WDR49: variants seen among roughly 807,000 people sequenced by gnomAD.
The protein encoded by WDR49 is cilia- and flagella-associated protein 337.
Under a neutral mutation model 119.5 loss-of-function variants are expected in WDR49, and 107 were observed. The observed-to-expected ratio is 0.90, with a 90% CI of 0.77 to 1.05. The LOEUF is 1.05. Among genes scored for constraint, WDR49 ranks in the 50% least tolerant of loss-of-function variants. WDR49 has a pLI of 0.00. For synonymous variants in WDR49, 425 were observed against 418.8 expected, an observed-to-expected ratio of 1.01 and a Z score of -0.18; for missense variants, 1,240 against 1,220.5, an observed-to-expected ratio of 1.02 and a Z score of -0.24.
chr3:167,615,159 T>G (rs1038718410), intron 5 of WDR49, among the ~76,000 whole-genome samples: 1 of 152,180 alleles, frequency 6.6e-6, no homozygotes, highest in African/African-American at 2.4e-5. Context: ...ATGACTGAAG[T>G]ATATTCACCT....
chr3:167,581,133 T>C (rs1714508447), intron 7 of WDR49, among the ~76,000 whole-genome samples: 1 of 152,174 alleles, frequency 6.6e-6, no homozygotes, highest in Admixed American at 6.6e-5. Context: ...AAGTTTATGA[T>C]TTTATATTAA....
At chr3:167,535,040 C>T (rs1021480198) in intron 11 of WDR49, among the ~76,000 whole-genome samples, 1 of 152,126 alleles carries the variant, frequency 6.6e-6, no homozygotes, top group African/African-American at 2.4e-5. Context: ...TAAATGCTTG[C>T]ACAGATAATC....
chr3:167,588,184 A>G (rs1364503227), intron 7 of WDR49, among the ~76,000 whole-genome samples: 1 of 152,150 alleles, frequency 6.6e-6, no homozygotes, highest in African/African-American at 2.4e-5. Context: ...GCTCCCACAA[A>G]TAAGTGAGAA....
intron 10 of WDR49, among the ~76,000 whole-genome samples, chr3:167,540,099 C>G (rs1711694446): frequency 6.6e-6 from 1 of 152,186 alleles, no homozygotes; most frequent in Non-Finnish European, 1.5e-5. Flanking sequence ...CAGGACATTA[C>G]AGCAACTCAT....
intron 7 of WDR49, among the ~76,000 whole-genome samples, chr3:167,601,759 A>T (rs918962512): frequency 3.3e-5 from 5 of 152,176 alleles, no homozygotes; most frequent in African/African-American, 1.2e-4. Context: ...CAAAGCAATA[A>T]TATTTAATTG....
chr3:167,598,363 G>A lies in WDR49; in HGVS notation c.1275+3764C>T, dbSNP rs138587111. On this transcript the variant is annotated intron_variant, in intron 7 of 18. Transcript: ENST00000682715. ...GAGAAGGACATAAGATTTGGGAGGG[G>A]CCAGGGTGTAATGACATGATCTGGC... Among the ~76,000 whole-genome samples, 455 of 152,180 alleles carry A rather than the reference G, an allele frequency of 3.0e-3. 2 individuals carry two copies. Among genetic ancestry groups the A allele is most frequent in the African/African-American group, 0.01 (435 of 41,530 alleles).
chr3:167,554,573 G>T, intron 10 of WDR49, 77 bp downstream of exon 10: 1 of 893,640 alleles, frequency 1.1e-6, no homozygotes, highest in Non-Finnish European at 1.6e-6. Flanking sequence ...AAGTTTTAAT[G>T]ACACAGAGTC....
chr3:167,619,945 T>C (rs1716787700), intron 5 of WDR49, among the ~76,000 whole-genome samples: 1 of 151,734 alleles, frequency 6.6e-6, no homozygotes, highest in Middle Eastern at 3.2e-3. Flanking sequence ...GTACTCTAGA[T>C]TAGAGAAATT....
chr3:167,501,713 A>G (rs542741852), intron 17 of WDR49, among the ~76,000 whole-genome samples: 2 of 152,324 alleles, frequency 1.3e-5, no homozygotes, highest in Non-Finnish European at 2.9e-5. Flanking sequence ...TCTAAGCAAT[A>G]TACCTTAGTA....
intron 16 of WDR49, among the ~76,000 whole-genome samples, chr3:167,518,115 T>G (rs1186560378): frequency 6.6e-6 from 1 of 152,068 alleles, no homozygotes; most frequent in Non-Finnish European, 1.5e-5. Context: ...TGCCACATTT[T>G]CTTAATCCAG....
chr3:167,582,692 C>T (rs952996741), intron 7 of WDR49, among the ~76,000 whole-genome samples: 1 of 152,062 alleles, frequency 6.6e-6, no homozygotes, highest in Non-Finnish European at 1.5e-5. Flanking sequence ...GGCACAGTAG[C>T]TCACACCAGC....
chr3:167,633,602 G>T (rs1717475615), intron 2 of WDR49: 2 of 417,830 alleles, frequency 4.8e-6, no homozygotes, highest in Admixed American at 5.8e-5. Context: ...AAATGAACTT[G>T]CGTATAGCAT....
At chr3:167,546,048 G>C (rs1351944013) in intron 10 of WDR49, among the ~76,000 whole-genome samples, 1 of 151,696 alleles carries the variant, frequency 6.6e-6, no homozygotes, top group Admixed American at 6.6e-5. Flanking sequence ...TGGTAAGTTT[G>C]GTTGAAAGAT....
At chr3:167,554,435 A>C (rs1369653285) in intron 10 of WDR49, among the ~76,000 whole-genome samples, 1 of 152,188 alleles carries the variant, frequency 6.6e-6, no homozygotes, top group African/African-American at 2.4e-5. Context: ...TAAAGAAAGA[A>C]AAATTTCCAA....
At chr3:167,596,152 A>T (rs1490103804) in intron 7 of WDR49, among the ~76,000 whole-genome samples, 1 of 151,686 alleles carries the variant, frequency 6.6e-6, no homozygotes, top group African/African-American at 2.4e-5. Flanking sequence ...GAGAAATGCA[A>T]ATCAAAACCA....
intron 2 of WDR49, 24 bp downstream of exon 2, chr3:167,653,237 C>A: frequency 6.5e-7 from 1 of 1,535,886 alleles, no homozygotes; most frequent in African/African-American, 1.4e-5. Flanking sequence ...CTCAAACTAT[C>A]TGGTCAATAA....
In WDR49 at chr3:167,527,843, C is replaced by T. The variant is rs762337373; in HGVS notation, c.2581G>A (p.Ala861Thr). The change falls in exon 15 of 19, where the codon GCT (alanine) becomes ACT (threonine). Residue 861 changes from alanine to threonine, a missense_variant. By Grantham distance (58) the Ala-to-Thr change is moderately conservative. Coordinates refer to ENST00000682715, the MANE Select transcript of WDR49 (RefSeq NM_001366157.1). ...CSICVTGVCNAPVWIFGQAKH... is the reference protein window; with the variant it reads ...CSICVTGVCNTPVWIFGQAKH... Reference sequence around the variant, plus strand: ...ACCTGACCAAAGATCCAAACAGGAGCATTGCAGACACCAGTCACACAAATA... The same window carrying T: ...ACCTGACCAAAGATCCAAACAGGAGTATTGCAGACACCAGTCACACAAATA... 6.2e-7 allele frequency: 1 copy of T among 1,612,760 alleles called. No individual in the cohort carries two copies. Among genetic ancestry groups the T allele is most frequent in the Non-Finnish European group, 8.5e-7 (1 of 1,179,324 alleles).
At chr3:167,507,620 T>C (rs1751823435) in intron 16 of WDR49, among the ~76,000 whole-genome samples, 1 of 152,206 alleles carries the variant, frequency 6.6e-6, no homozygotes, top group South Asian at 2.1e-4. Flanking sequence ...TGATTTTTTT[T>C]TCCAAAACAC....
intron 8 of WDR49, among the ~76,000 whole-genome samples, chr3:167,561,084 C>A (rs1231308040): frequency 6.6e-6 from 1 of 152,152 alleles, no homozygotes; most frequent in Non-Finnish European, 1.5e-5. Context: ...TAAAGCATTT[C>A]TTTTTCTGTT....
Sources: gnomAD v4.1 joint callset for allele counts (sites outside exome capture counted in the v4.1 genomes callset) on GRCh38, gnomAD v4.1.1 for gene constraint, MANE v1.5 for transcripts, NCBI Gene and HGNC (gene_info 2026-07-23, HGNC 2026-07-21) for gene names.